THUMPD1: variants seen among roughly 807,000 people sequenced by gnomAD.
THUMPD1 encodes THUMP domain-containing protein 1.
Under a neutral mutation model 31.6 loss-of-function variants are expected in THUMPD1, and 31 were observed. The observed-to-expected ratio is 0.98, with a 90% CI of 0.74 to 1.32. THUMPD1 has a LOEUF of 1.32. Ranked by LOEUF, THUMPD1 falls within the 40% of genes most tolerant of loss-of-function variation. The pLI, the probability that THUMPD1 is intolerant of heterozygous loss-of-function variation, is 0.00. For synonymous variants in THUMPD1, 166 were observed against 158.2 expected, an observed-to-expected ratio of 1.05 and a Z score of -0.37; for missense variants, 446 against 427.8, an observed-to-expected ratio of 1.04 and a Z score of -0.38.
chr16:20,737,992 C>A, intron 2 of THUMPD1, 36 bp from the exon 3 acceptor site: 1 of 1,556,152 alleles, frequency 6.4e-7, no homozygotes, highest in South Asian at 1.2e-5. Context: ...GATAATTTCT[C>A]AGACATCTTA....
At chr16:20,741,385 G>A in intron 1 of THUMPD1, 124 bp downstream of exon 1, 2 of 1,229,036 alleles carry the variant, frequency 1.6e-6, no homozygotes, top group Non-Finnish European at 2.2e-6. Context: ...GCGAGGCCAC[G>A]CCCCTACAGC....
In THUMPD1 at chr16:20,735,380, T is replaced by TC. The variant is rs1226402653; in HGVS notation, c.*1499_*1500insG. 1 of 151,390 alleles carries TC rather than the reference T, an allele frequency of 6.6e-6. No individual in the cohort carries two copies. Among genetic ancestry groups the TC allele is most frequent in the Non-Finnish European group, 1.5e-5 (1 of 67,788 alleles). 9.4% of individuals were successfully genotyped at this position (151,390 alleles called of 1,614,324 possible). On this transcript the variant is annotated 3_prime_UTR_variant, in exon 4 of 4. Transcript: ENST00000396083. ...GTCCAGGTTTTTGTTTTGGGTGTTTTTTTTTTTTTTTAACATTTTTGCATA... is the reference window on the plus strand; with the variant it reads ...GTCCAGGTTTTTGTTTTGGGTGTTTTCTTTTTTTTTTTAACATTTTTGCATA...
At chr16:20,740,732 A>G (rs533998830) in intron 1 of THUMPD1, among the ~76,000 whole-genome samples, 5 of 152,338 alleles carry the variant, frequency 3.3e-5, no homozygotes, top group Non-Finnish European at 4.4e-5. Context: ...GTATTGGTCC[A>G]GATTCTAAGC....
At chr16:20,738,687 G>T in intron 2 of THUMPD1, 1 of 567,528 alleles carries the variant, frequency 1.8e-6, no homozygotes, top group Non-Finnish European at 3.1e-6. Flanking sequence ...GAAGGAAGCA[G>T]CAAAGCCAGG....
At chr16:20,741,481 G>GGGGGGGGGGCGGCCCCCCCCCCCCCCCCC in intron 1 of THUMPD1, 28 bp downstream of exon 1, 1 of 1,308,414 alleles carries the variant, frequency 7.6e-7, no homozygotes, top group Non-Finnish European at 9.9e-7. Context: ...CTGGCAGCCG[G>GGGGGGGGGGCGGCCCCCCCCCCCCCCCCC]CCCGCCCGCC....
intron 2 of THUMPD1, chr16:20,738,253 A>G (rs1436057565): frequency 1.0e-5 from 5 of 485,880 alleles, no homozygotes; most frequent in Admixed American, 9.2e-5. Context: ...CAACCGTAAC[A>G]CCATGCTGTT....
intron 1 of THUMPD1, 140 bp downstream of exon 1, chr16:20,741,369 A>T: frequency 9.2e-7 from 1 of 1,091,190 alleles, no homozygotes; most frequent in South Asian, 1.7e-5. Context: ...AGGGACGGAA[A>T]CGCCGGCGAG....
rs1567329973 is a variant in THUMPD1, at chr16:20,737,052, T to C, written c.890A>G (p.Gln297Arg). The C allele has an allele frequency of 4.3e-6, 7 of 1,614,112 alleles. No homozygotes were observed. The highest frequency in any genetic ancestry group is 4.2e-6 in the Non-Finnish European group (5 of 1,180,036). ...ATTTTTTCCTTCTGCTGTGTTGTTT[T>C]GGTCTGATTTGTCCGCAGATTCCAG... The part of the protein sequence containing the change: ...AKLESADKSD[Q>R]NNTAEGKNNQ... The change falls in exon 4 of 4, where the codon CAA becomes CGA. Residue 297 changes from glutamine (Q) to arginine (R), a missense_variant. Physicochemically the swap from Gln to Arg is conservative, Grantham distance 43. Transcript: ENST00000396083.
chr16:20,736,851 G>A lies in THUMPD1; in HGVS notation c.*29C>T, dbSNP rs1481532993. On this transcript the variant is annotated 3_prime_UTR_variant, in exon 4 of 4. Coordinates refer to ENST00000396083, the MANE Select transcript of THUMPD1 (RefSeq NM_017736.5). Reference sequence around the variant, plus strand: ...CAACATCTCGTAGAGCCCCAGGTGAGAAACCCACCTCCAACACCAAATGAC... The same window carrying A: ...CAACATCTCGTAGAGCCCCAGGTGAAAAACCCACCTCCAACACCAAATGAC... 2.5e-6 allele frequency: 4 copies of A among 1,604,032 alleles called. No homozygotes were observed. The highest frequency in any genetic ancestry group is 2.2e-5 in the South Asian group (2 of 90,188).
Position 20,737,741 on chromosome 16 carries a change from CAT to C in THUMPD1, c.620_621del (p.His207ArgfsTer3), listed in dbSNP as rs2079882693. The C allele has an allele frequency of 1.2e-6, 2 of 1,613,646 alleles. No individual in the cohort carries two copies. The highest frequency in any genetic ancestry group is 1.3e-5 in the African/African-American group (1 of 75,020). On this transcript the variant is annotated frameshift_variant, in exon 3 of 4. Coordinates refer to ENST00000396083, the MANE Select transcript of THUMPD1 (RefSeq NM_017736.5). LOFTEE classifies it low-confidence loss of function (END_TRUNC). ...TCTCTGATAACTTCTTCTCTATTCA[CAT>C]GACTGTTATTTCGAGATTTGTACAC... The part of the protein sequence containing the change: ...QIVYKSRNNS[H>X]VNREEVIREL...
At chr16:20,741,458 C>G in intron 1 of THUMPD1, 51 bp downstream of exon 1, 2 of 1,474,562 alleles carry the variant, frequency 1.4e-6, no homozygotes, top group Non-Finnish European at 1.8e-6. Flanking sequence ...ACCCTTCCCT[C>G]CTCCCGCAAG....
At chr16:20,738,060 T>C in intron 2 of THUMPD1, 104 bp from the exon 3 acceptor site, 1 of 1,115,370 alleles carries the variant, frequency 9.0e-7, no homozygotes, top group Non-Finnish European at 1.3e-6. Flanking sequence ...CAGAAGAAAT[T>C]CTCATAATGA....
chr16:20,735,673 T>C lies in THUMPD1; in HGVS notation c.*1207A>G, dbSNP rs530663623. Reference sequence around the variant, plus strand: ...CTTTGTTCTGGCAGGCTCCTAGCAATAGAAAAAGTTTTCTTTGAATTTCAT... The same window carrying C: ...CTTTGTTCTGGCAGGCTCCTAGCAACAGAAAAAGTTTTCTTTGAATTTCAT... On this transcript the variant is annotated 3_prime_UTR_variant, in exon 4 of 4. Coordinates refer to ENST00000396083, the MANE Select transcript of THUMPD1 (RefSeq NM_017736.5). 2 of 152,154 alleles carry C rather than the reference T, an allele frequency of 1.3e-5. No individual in the cohort carries two copies. The highest frequency in any genetic ancestry group is 6.5e-5 in the Admixed American group (1 of 15,268). 9.4% of individuals were successfully genotyped at this position (152,154 alleles called of 1,614,324 possible). A position where few individuals can be genotyped will look rare whatever the true frequency, so the allele number is the denominator to read the frequency against.
chr16:20,741,627 T>C lies in THUMPD1; in HGVS notation c.113A>G (p.Gln38Arg). The change falls in exon 1 of 4, where the codon CAG becomes CGG. Residue 38 changes from glutamine (Q) to arginine (R), a missense_variant. Physicochemically the swap from Gln to Arg is conservative, Grantham distance 43. Coordinates refer to ENST00000396083, the MANE Select transcript of THUMPD1 (RefSeq NM_017736.5). ...ARRCDAGGPR[Q>R]LEPGLQGILI... ...GATGCCCTGTAGCCCGGGCTCTAGC[T>C]GACGGGGCCCGCCAGCGTCGCAGCG... 7 of 1,574,378 alleles carry C rather than the reference T, an allele frequency of 4.4e-6. No individual in the cohort carries two copies. The highest frequency in any genetic ancestry group is 6.0e-6 in the Non-Finnish European group (7 of 1,159,734).
chr16:20,741,441 T>C, intron 1 of THUMPD1, 68 bp downstream of exon 1: 3 of 1,459,788 alleles, frequency 2.1e-6, no homozygotes, highest in Admixed American at 2.6e-5. Context: ...CCAGCAGCCA[T>C]CCCTCCACCC....
Position 20,734,261 on chromosome 16 carries a change from C to G in THUMPD1, c.*2619G>C, listed in dbSNP as rs1277485745. ...TTTTCTTCCGAGTCCTTTTGTCTTG[C>G]ACTATCAAAATAGAATCTTTGTCTT... On this transcript the variant is annotated 3_prime_UTR_variant, in exon 4 of 4. Coordinates refer to ENST00000396083, the MANE Select transcript of THUMPD1 (RefSeq NM_017736.5). 6.6e-6 allele frequency: 1 copy of G among 152,574 alleles called. No individual in the cohort carries two copies. Among genetic ancestry groups the G allele is most frequent in the Non-Finnish European group, 1.5e-5 (1 of 68,018 alleles). 9.5% of individuals were successfully genotyped at this position (152,574 alleles called of 1,614,324 possible).
chr16:20,734,732 T>C lies in THUMPD1; in HGVS notation c.*2148A>G, dbSNP rs2079854536. The C allele has an allele frequency of 6.6e-6, 1 of 152,192 alleles. No individual in the cohort carries two copies. Among genetic ancestry groups the C allele is most frequent in the South Asian group, 2.1e-4 (1 of 4,832 alleles). 9.4% of individuals were successfully genotyped at this position (152,192 alleles called of 1,614,324 possible). On this transcript the variant is annotated 3_prime_UTR_variant, in exon 4 of 4. Transcript: ENST00000396083. The stretch of plus-strand genomic sequence containing the variant: ...ACCCAAAAAGAGGCCTTGAAAAAAC[T>C]TTCAAATTCAGGAAACCCCTAAACC...
At chr16:20,739,336 C>T (rs1470959474) in intron 1 of THUMPD1, among the ~76,000 whole-genome samples, 1 of 151,978 alleles carries the variant, frequency 6.6e-6, no homozygotes, top group African/African-American at 2.4e-5. Flanking sequence ...CCACTACACA[C>T]AGCTAATTTT....
Position 20,735,345 on chromosome 16 carries a change from T to C in THUMPD1, c.*1535A>G, listed in dbSNP as rs1357705333. Reference sequence around the variant, plus strand: ...ATGTCTGTATGGTGCAGGAGGTTTATGTGCTGTCTGTCCAGGTTTTTGTTT... The same window carrying C: ...ATGTCTGTATGGTGCAGGAGGTTTACGTGCTGTCTGTCCAGGTTTTTGTTT... On this transcript the variant is annotated 3_prime_UTR_variant, in exon 4 of 4. Transcript: ENST00000396083. 6.6e-6 allele frequency: 1 copy of C among 151,560 alleles called. No homozygotes were observed. Among genetic ancestry groups the C allele is most frequent in the African/African-American group, 2.4e-5 (1 of 41,284 alleles). 9.4% of individuals were successfully genotyped at this position (151,560 alleles called of 1,614,324 possible). A position where few individuals can be genotyped will look rare whatever the true frequency, so the allele number is the denominator to read the frequency against.
Sources: allele counts gnomAD v4.1 joint callset (sites outside exome capture counted in the v4.1 genomes callset), GRCh38; gene constraint gnomAD v4.1.1; transcripts MANE v1.5; gene names NCBI Gene and HGNC (gene_info 2026-07-23, HGNC 2026-07-21).